SMYD3: variants seen among roughly 807,000 people sequenced by gnomAD.
SMYD3 encodes the protein SET and MYND domain containing 3.
A neutral mutation model predicts 57.7 loss-of-function variants in SMYD3; 36 were observed. The observed-to-expected ratio is 0.62, with a 90% CI of 0.48 to 0.82. The LOEUF is 0.82. Among genes scored for constraint, SMYD3 ranks in the 40% least tolerant of loss-of-function variants. The pLI, the probability that SMYD3 is intolerant of heterozygous loss-of-function variation, is 0.00. For synonymous variants in SMYD3, 211 were observed against 195.0 expected, an observed-to-expected ratio of 1.08 and a Z score of -0.68; for missense variants, 515 against 538.8, an observed-to-expected ratio of 0.96 and a Z score of 0.44.
intron 9 of SMYD3, among the ~76,000 whole-genome samples, chr1:245,858,886 G>A (rs557053220): frequency 9.9e-5 from 15 of 152,246 alleles, no homozygotes; most frequent in African/African-American, 3.1e-4. Context: ...AAACTATCTC[G>A]TAACCAGGCC....
chr1:245,934,853 T>C (rs565538770), intron 5 of SMYD3, among the ~76,000 whole-genome samples: 4 of 152,300 alleles, frequency 2.6e-5, no homozygotes, highest in African/African-American at 7.2e-5. Context: ...CCAGGGAGCA[T>C]GCTGTAAGGT....
At chr1:246,367,089 G>A (rs1250831022) in intron 1 of SMYD3, among the ~76,000 whole-genome samples, 2 of 152,096 alleles carry the variant, frequency 1.3e-5, no homozygotes, top group Non-Finnish European at 1.5e-5. Context: ...TAGCTTCAGA[G>A]GCTAAAACAA....
intron 5 of SMYD3, among the ~76,000 whole-genome samples, chr1:246,190,320 C>T (rs2062712504): frequency 6.6e-6 from 1 of 152,164 alleles, no homozygotes; most frequent in African/African-American, 2.4e-5. Flanking sequence ...GGCGCGGTGG[C>T]TCACGCCTGT....
At chr1:246,008,679 CA>C (rs2059222273) in intron 5 of SMYD3, among the ~76,000 whole-genome samples, 1 of 152,176 alleles carries the variant, frequency 6.6e-6, no homozygotes, top group African/African-American at 2.4e-5. Context: ...TGAGGAGTCT[CA>C]ACACCGGGGA....
intron 1 of SMYD3, among the ~76,000 whole-genome samples, chr1:246,467,093 C>A (rs1397633752): frequency 6.6e-6 from 1 of 151,850 alleles, no homozygotes; most frequent in Non-Finnish European, 1.5e-5. Flanking sequence ...TCACTTGAGC[C>A]CAGGAGGTGG....
intron 10 of SMYD3, among the ~76,000 whole-genome samples, chr1:245,765,223 TA>T (rs61147984): frequency 0.35 from 40,131 of 113,312 alleles, 6,321 homozygotes; most frequent in East Asian, 0.82. Context: ...CTTTCTCTAT[TA>T]AAAAAAAAAA....
At chr1:246,292,266 A>G (rs1407093962) in intron 5 of SMYD3, among the ~76,000 whole-genome samples, 1 of 151,910 alleles carries the variant, frequency 6.6e-6, no homozygotes, top group Non-Finnish European at 1.5e-5. Context: ...CCTTAGACTT[A>G]CTATCCAACA....
At chr1:246,293,189 T>C (rs930052122) in intron 5 of SMYD3, among the ~76,000 whole-genome samples, 5 of 151,926 alleles carry the variant, frequency 3.3e-5, no homozygotes, top group Non-Finnish European at 7.4e-5. Context: ...TATGGGTCCC[T>C]GACCTAGTGG....
At chr1:246,239,002 T>A (rs577039111) in intron 5 of SMYD3, among the ~76,000 whole-genome samples, 2 of 151,262 alleles carry the variant, frequency 1.3e-5, no homozygotes, top group Non-Finnish European at 2.9e-5. Flanking sequence ...ACGTTTTCGG[T>A]GGATAGTCAC....
intron 8 of SMYD3, among the ~76,000 whole-genome samples, chr1:245,906,648 C>A (rs1298524668): frequency 3.3e-5 from 5 of 152,192 alleles, no homozygotes; most frequent in Non-Finnish European, 5.9e-5. Flanking sequence ...TGGGTATATA[C>A]CCAAAACAAA....
At chr1:245,930,688 C>T (rs1482972015) in intron 5 of SMYD3, 2 of 152,396 alleles carry the variant, frequency 1.3e-5, no homozygotes, top group Non-Finnish European at 2.9e-5. Context: ...AAAATCACTG[C>T]TTCAGACAGG....
chr1:246,474,519 C>CAAAAAAAAAAAAAAA (rs35626265), intron 1 of SMYD3, among the ~76,000 whole-genome samples: 1 of 78,832 alleles, frequency 1.3e-5, no homozygotes. Flanking sequence ...ACTCCCCTCT[C>CAAAAAAAAAAAAAAA]AAAAAAAAAA....
intron 8 of SMYD3, among the ~76,000 whole-genome samples, chr1:245,899,159 A>C (rs2054021241): frequency 6.6e-6 from 1 of 152,230 alleles, no homozygotes; most frequent in South Asian, 2.1e-4. Context: ...ATAAGCTTGG[A>C]AACTTTAAAT....
intron 10 of SMYD3, among the ~76,000 whole-genome samples, chr1:245,856,036 A>C (rs978984444): frequency 1.3e-5 from 2 of 152,260 alleles, no homozygotes; most frequent in Non-Finnish European, 2.9e-5. Context: ...CGGGGGGCTG[A>C]GAGCACTCAG....
intron 5 of SMYD3, among the ~76,000 whole-genome samples, chr1:246,267,579 C>G (rs1019000511): frequency 2.0e-5 from 3 of 152,184 alleles, no homozygotes; most frequent in Non-Finnish European, 4.4e-5. Context: ...TCACCGTTTA[C>G]ATGTGAAAGC....
intron 5 of SMYD3, among the ~76,000 whole-genome samples, chr1:246,224,412 G>A (rs2063299403): frequency 6.6e-6 from 1 of 152,062 alleles, no homozygotes; most frequent in African/African-American, 2.4e-5. Flanking sequence ...TGTGGCTGAG[G>A]TGTGGTCAAG....
chr1:245,990,560 C>T (rs1332601350), intron 5 of SMYD3, among the ~76,000 whole-genome samples: 1 of 152,208 alleles, frequency 6.6e-6, no homozygotes, highest in African/African-American at 2.4e-5. Context: ...ATTTGTTATT[C>T]ATACTCCAAC....
At chr1:245,907,363 T>C (rs1490296923) in intron 8 of SMYD3, among the ~76,000 whole-genome samples, 2 of 152,136 alleles carry the variant, frequency 1.3e-5, no homozygotes, top group East Asian at 3.9e-4. Flanking sequence ...CCCACAAATT[T>C]TTTAAAAAAT....
At chr1:245,755,061 T>C (rs542013792) in intron 11 of SMYD3, among the ~76,000 whole-genome samples, 139 of 152,296 alleles carry the variant, frequency 9.1e-4, no homozygotes, top group Middle Eastern at 3.4e-3. Context: ...TACATATTAA[T>C]TGAACTCTGA....
Sources: allele counts gnomAD v4.1 joint callset (sites outside exome capture counted in the v4.1 genomes callset), GRCh38; gene constraint gnomAD v4.1.1; transcripts MANE v1.5; gene names NCBI Gene and HGNC (gene_info 2026-07-23, HGNC 2026-07-21).